The following GGT6 variants were observed in gnomAD, a reference collection of about 807,000 sequenced individuals.
GGT6 encodes gamma-glutamyltransferase 6, also known as glutathione hydrolase 6.
GGT6 carries 13 observed loss-of-function variants against 17.0 expected under a neutral mutation model. That is an observed-to-expected ratio of 0.77 (90% CI 0.50 to 1.22). The LOEUF (loss-of-function observed/expected upper bound fraction) is 1.22. Ranked by LOEUF, GGT6 falls within the 50% of genes most tolerant of loss-of-function variation. The pLI, the probability that GGT6 is intolerant of heterozygous loss-of-function variation, is 0.00. For missense variants in GGT6, 628 were observed against 643.7 expected, an observed-to-expected ratio of 0.98 and a Z score of 0.26; for synonymous variants, 305 against 297.9, an observed-to-expected ratio of 1.02 and a Z score of -0.25.
Position 4,560,503 on chromosome 17 carries a change from G to T in GGT6, c.19C>A (p.Pro7Thr), listed in dbSNP as rs1397467064. ...GGCAGCAGCTTCTGATAGACCACGG[G>T]CTCTTCTGCCCGCTCCATGGCCCCC... is the stretch of plus-strand genomic sequence containing the variant. MERAEE[P>T]VVYQKLLPWE... The change falls in exon 1 of 4, where the codon CCC (proline) becomes ACC (threonine). Residue 7 changes from proline to threonine, a missense_variant. By Grantham distance (38) the Pro-to-Thr change is conservative. Transcript: ENST00000381550. The T allele has an allele frequency of 1.9e-6, 3 of 1,611,792 alleles. No homozygotes were observed. Among genetic ancestry groups the T allele is most frequent in the Non-Finnish European group, 2.5e-6 (3 of 1,180,010 alleles).
chr17:4,559,205 C>A lies in GGT6; in HGVS notation c.457+138G>T, dbSNP rs1045745533. On this transcript the variant is annotated intron_variant, in intron 3 of 3. Coordinates refer to ENST00000381550, the MANE Select transcript of GGT6 (RefSeq NM_001288702.2). ...ACAGACCCGGGCTCAAGGGTCATAG[C>A]CTGGGGTTGGACTGCTGCCCAAACC... is the stretch of plus-strand genomic sequence containing the variant. 8.0e-6 allele frequency: 10 copies of A among 1,248,216 alleles called. No homozygotes were observed. In the Admixed American group the frequency reaches 1.7e-4, roughly 21 times the overall value. The allele number at this position is 1,248,216 out of a possible 1,614,324, so 77.3% of individuals were successfully genotyped here. A position where few individuals can be genotyped will look rare whatever the true frequency, so the allele number is the denominator to read the frequency against.
At position 4,559,628 on chromosome 17, in the gene GGT6, C is replaced by T; in HGVS notation, c.273G>A (p.Val91=). ...QGRSTGSLGS[V]APPPGGHSHG... is the part of the protein sequence containing the mutation. Reference sequence around the variant, plus strand: ...GGGAGTGTCCGCCGGGTGGAGGGGCCACAGAGCCCAAGCTTCCTGTCGACC... The same window carrying T: ...GGGAGTGTCCGCCGGGTGGAGGGGCTACAGAGCCCAAGCTTCCTGTCGACC... Residue 91 remains valine (V), a synonymous_variant, in exon 2 of 4, where the codon GTG becomes GTA. Transcript: ENST00000381550. The T allele has an allele frequency of 6.2e-7, 1 of 1,613,748 alleles. No individual in the cohort carries two copies. The highest frequency in any genetic ancestry group is 8.5e-7 in the Non-Finnish European group (1 of 1,180,002).
chr17:4,559,081 C>T, intron 3 of GGT6, 24 bp from the exon 4 acceptor site: 1 of 1,539,242 alleles, frequency 6.5e-7, no homozygotes, highest in Non-Finnish European at 8.7e-7. Context: ...AGGGGTCCCT[C>T]AGCAGCCGCA....
At chr17:4,556,513 CAG>C (rs1908137452), downstream of GGT6, among the ~76,000 whole-genome samples, 1 of 152,132 alleles carries the variant, frequency 6.6e-6, no homozygotes, top group Non-Finnish European at 1.5e-5. Flanking sequence ...TTTACAATGG[CAG>C]GGGAGGGGAA....
Position 4,560,531 on chromosome 17 carries a change from G to C in GGT6, c.-10C>G. 1 of 1,608,332 alleles carries C rather than the reference G, an allele frequency of 6.2e-7. No individual in the cohort carries two copies. The highest frequency in any genetic ancestry group is 1.1e-5 in the South Asian group (1 of 91,084). On this transcript the variant is annotated 5_prime_UTR_variant, in exon 1 of 4. Coordinates refer to ENST00000381550, the MANE Select transcript of GGT6 (RefSeq NM_001288702.2). ...CTTCTGCCCGCTCCATGGCCCCCCA[G>C]TGCTCGCCCCAGCCCTCCTGCCTGC...
Position 4,559,612 on chromosome 17 carries a change from C to A in GGT6, c.289G>T (p.Gly97Ter). The A allele has an allele frequency of 6.2e-7, 1 of 1,613,808 alleles. No homozygotes were observed. Among genetic ancestry groups the A allele is most frequent in the Non-Finnish European group, 8.5e-7 (1 of 1,180,006 alleles). The change falls in exon 2 of 4, where the codon GGA becomes TGA. Residue 97 changes from glycine to a stop codon, truncating the protein, a stop_gained. Coordinates refer to ENST00000381550, the MANE Select transcript of GGT6 (RefSeq NM_001288702.2). LOFTEE classifies it high-confidence loss of function. ...TATACGCCAGGGCCGTGGGAGTGTC[C>A]GCCGGGTGGAGGGGCCACAGAGCCC... ...SLGSVAPPPG[G>*]HSHGPGVYHH...
rs1463037886 is a variant in GGT6 at position 4,559,611 on chromosome 17, C to A, written c.290G>T (p.Gly97Val). 3.1e-6 allele frequency: 5 copies of A among 1,613,754 alleles called. No individual in the cohort carries two copies. The highest frequency in any genetic ancestry group is 1.7e-5 in the Admixed American group (1 of 60,008). ...GTATACGCCAGGGCCGTGGGAGTGT[C>A]CGCCGGGTGGAGGGGCCACAGAGCC... ...SLGSVAPPPG[G>V]HSHGPGVYHH... Residue 97 changes from glycine to valine, a missense_variant, in exon 2 of 4, where the codon GGA becomes GTA. Gly to Val is a moderately radical substitution (Grantham distance 109). Transcript: ENST00000381550.
chr17:4,558,661 G>A lies in GGT6; in HGVS notation c.854C>T (p.Ala285Val), dbSNP rs145161228. ...GGGCACCTCCACCCCCAGGTCTCCC[G>A]CCAGTAGACTCAGTAGAGCATCCCC... ...LAGDALLSLL[A>V]GDLGVEVPSA... Residue 285 changes from alanine (A) to valine (V), a missense_variant, in exon 4 of 4, where the codon GCG (alanine) becomes GTG (valine). Physicochemically the swap from Ala to Val is moderately conservative, Grantham distance 64. Coordinates refer to ENST00000381550, the MANE Select transcript of GGT6 (RefSeq NM_001288702.2). 6.0e-5 allele frequency: 95 copies of A among 1,594,442 alleles called. No individual in the cohort carries two copies. The highest frequency in any genetic ancestry group is 7.8e-5 in the Non-Finnish European group (91 of 1,170,416).
At position 4,558,173 on chromosome 17, in the gene GGT6, G is replaced by C. The variant is rs759642743; in HGVS notation, c.1342C>G (p.Pro448Ala). ...HTLLRHLAARPPTQAQHQHQG... is the reference protein window; with the variant it reads ...HTLLRHLAARAPTQAQHQHQG... ...TGCTGGTGCTGGGCCTGGGTAGGGGGCCTTGCTGCCAGATGCCTGAGTAGG... is the reference window on the plus strand; with the variant it reads ...TGCTGGTGCTGGGCCTGGGTAGGGGCCCTTGCTGCCAGATGCCTGAGTAGG... Residue 448 changes from proline to alanine, a missense_variant, in exon 4 of 4, where the codon CCC becomes GCC. Transcript: ENST00000381550. 1 of 1,614,042 alleles carries C rather than the reference G, an allele frequency of 6.2e-7. No homozygotes were observed. The highest frequency in any genetic ancestry group is 1.7e-5 in the Admixed American group (1 of 60,012).
At position 4,558,839 on chromosome 17, in the gene GGT6, C is replaced by G. The variant is rs902731768; in HGVS notation, c.676G>C (p.Ala226Pro). ...GTGCCCCGAGCCACCAGAGCCCTTG[C>G]CAGGGGTGTGTCCACCAGGAAGCCC... ...QEGFLVDTPL[A>P]RALVARGTEG... Residue 226 changes from alanine to proline, a missense_variant, in exon 4 of 4, where the codon GCA becomes CCA. By Grantham distance (27) the Ala-to-Pro change is conservative. Coordinates refer to ENST00000381550, the MANE Select transcript of GGT6 (RefSeq NM_001288702.2). The G allele has an allele frequency of 6.5e-7, 1 of 1,547,670 alleles. No homozygotes were observed. Among genetic ancestry groups the G allele is most frequent in the Non-Finnish European group, 8.7e-7 (1 of 1,145,294 alleles).
Position 4,558,070 on chromosome 17 carries a change from T to G in GGT6, c.1445A>C (p.Glu482Ala), listed in dbSNP as rs765790518. ...GTLLQVAAHTEHAHVSSVPHA... is the reference protein window; with the variant it reads ...GTLLQVAAHTAHAHVSSVPHA... ...GGGGACACTGGAGACATGGGCGTGC[T>G]CTGTGTGGGCTGCCACCTGGAGCAG... The change falls in exon 4 of 4, where the codon GAG becomes GCG. Residue 482 changes from glutamate (E) to alanine (A), a missense_variant. Coordinates refer to ENST00000381550, the MANE Select transcript of GGT6 (RefSeq NM_001288702.2). The G allele has an allele frequency of 6.3e-7, 1 of 1,594,222 alleles. No homozygotes were observed. Among genetic ancestry groups the G allele is most frequent in the Non-Finnish European group, 8.6e-7 (1 of 1,169,222 alleles).
At position 4,558,982 on chromosome 17, in the gene GGT6, G is replaced by A. The variant is rs778246432; in HGVS notation, c.533C>T (p.Thr178Ile). 2 of 1,545,904 alleles carry A rather than the reference G, an allele frequency of 1.3e-6. No homozygotes were observed. Among genetic ancestry groups the A allele is most frequent in the Admixed American group, 3.9e-5 (2 of 50,998 alleles). ...GGGCAGCCCCAGGCCGGGGGCCAGG[G>A]TCTGTGCTGGGCCTGATGTCAGGGC... is the stretch of plus-strand genomic sequence containing the variant. ...STALTSGPAQTLAPGLGLPAA... is the reference protein window; with the variant it reads ...STALTSGPAQILAPGLGLPAA... Residue 178 changes from threonine to isoleucine, a missense_variant, in exon 4 of 4, where the codon ACC becomes ATC. Thr to Ile is a moderately conservative substitution (Grantham distance 89, BLOSUM62 -1). Coordinates refer to ENST00000381550, the MANE Select transcript of GGT6 (RefSeq NM_001288702.2).
Position 4,559,002 on chromosome 17 carries a change from C to G in GGT6, c.513G>C (p.Leu171=), listed in dbSNP as rs1322291638. The change falls in exon 4 of 4, where the codon CTG becomes CTC. Residue 171 remains leucine (L), a synonymous_variant. Coordinates refer to ENST00000381550, the MANE Select transcript of GGT6 (RefSeq NM_001288702.2). ...CCAGGGTCTGTGCTGGGCCTGATGT[C>G]AGGGCCGTGGAATTGCCTGAGGAGC... ...HDSSSGNSTA[L]TSGPAQTLAP... 1 of 1,545,138 alleles carries G rather than the reference C, an allele frequency of 6.5e-7. No homozygotes were observed. Among genetic ancestry groups the G allele is most frequent in the Non-Finnish European group, 8.7e-7 (1 of 1,146,956 alleles).
At chr17:4,559,134 G>A in intron 3 of GGT6, 77 bp from the exon 4 acceptor site, 1 of 1,509,352 alleles carries the variant, frequency 6.6e-7, no homozygotes, top group East Asian at 2.5e-5. Context: ...TCCCTTGACT[G>A]AGCCTGGGAT....
In GGT6 at chr17:4,558,422, T is replaced by A; in HGVS notation, c.1093A>T (p.Ser365Cys). ...GAGGTGAGAAGGAGCACAGAGCCGCTGCTGTCCACGGCGGCCAGGGCACTG... is the reference window on the plus strand; with the variant it reads ...GAGGTGAGAAGGAGCACAGAGCCGCAGCTGTCCACGGCGGCCAGGGCACTG... ...ESSALAAVDS[S>C]GSVLLLTSSL... The change falls in exon 4 of 4, where the codon AGC becomes TGC. Residue 365 changes from serine (S) to cysteine (C), a missense_variant. Physicochemically the swap from Ser to Cys is moderately radical, Grantham distance 112. Coordinates refer to ENST00000381550, the MANE Select transcript of GGT6 (RefSeq NM_001288702.2). 1 of 1,606,044 alleles carries A rather than the reference T, an allele frequency of 6.2e-7. No individual in the cohort carries two copies. The highest frequency in any genetic ancestry group is 8.5e-7 in the Non-Finnish European group (1 of 1,179,992).
In GGT6 at chr17:4,558,261, C is replaced by T. The variant is rs1477110734; in HGVS notation, c.1254G>A (p.Glu418=). ...AAGCCACAAGCCCCAACACATCAGCCTCTGTGTCATCCAGGCTGCCACGGA... is the reference window on the plus strand; with the variant it reads ...AAGCCACAAGCCCCAACACATCAGCTTCTGTGTCATCCAGGCTGCCACGGA... ...LILRGSLDDT[E]ADVLGLVASG... The change falls in exon 4 of 4, where the codon GAG becomes GAA. Residue 418 remains glutamate, a synonymous_variant. Coordinates refer to ENST00000381550, the MANE Select transcript of GGT6 (RefSeq NM_001288702.2). The T allele has an allele frequency of 6.2e-7, 1 of 1,614,214 alleles. No homozygotes were observed. Among genetic ancestry groups the T allele is most frequent in the Non-Finnish European group, 8.5e-7 (1 of 1,180,052 alleles).
In GGT6 at chr17:4,559,709, C is replaced by T. The variant is rs1375225291; in HGVS notation, c.192G>A (p.Leu64=). The part of the protein sequence containing the change: ...PGTWARVVAA[L]LLLAVGCSLA... ...GGGAGCAGCCAACAGCCAGCAGCAGCAGGGCTGCCACTACACGGGCCCAGG... is the reference window on the plus strand; with the variant it reads ...GGGAGCAGCCAACAGCCAGCAGCAGTAGGGCTGCCACTACACGGGCCCAGG... The change falls in exon 2 of 4, where the codon CTG becomes CTA. Residue 64 remains leucine, a synonymous_variant. Coordinates refer to ENST00000381550, the MANE Select transcript of GGT6 (RefSeq NM_001288702.2). 1.2e-6 allele frequency: 2 copies of T among 1,611,670 alleles called. No individual in the cohort carries two copies. The highest frequency in any genetic ancestry group is 4.5e-5 in the East Asian group (2 of 44,876).
chr17:4,559,867 C>A (rs1267000566), intron 1 of GGT6, 107 bp from the exon 2 acceptor site: 2 of 1,014,040 alleles, frequency 2.0e-6, no homozygotes, highest in East Asian at 5.2e-5. Flanking sequence ...GCAAGAGGAG[C>A]ACAAGTCAGC....
rs1201751237 is a variant in GGT6, at chr17:4,558,408, G to T, written c.1107C>A (p.Leu369=). The part of the protein sequence containing the change: ...LAAVDSSGSV[L]LLTSSLNCSF... ...AGCAGTTGAGCGAGGAGGTGAGAAGGAGCACAGAGCCGCTGCTGTCCACGG... is the reference window on the plus strand; with the variant it reads ...AGCAGTTGAGCGAGGAGGTGAGAAGTAGCACAGAGCCGCTGCTGTCCACGG... The change falls in exon 4 of 4, where the codon CTC becomes CTA. Residue 369 remains leucine (L), a synonymous_variant. Coordinates refer to ENST00000381550, the MANE Select transcript of GGT6 (RefSeq NM_001288702.2). 53 of 1,605,360 alleles carry T rather than the reference G, an allele frequency of 3.3e-5. No individual in the cohort carries two copies. The highest frequency in any genetic ancestry group is 4.5e-5 in the Non-Finnish European group (53 of 1,180,000).
Sources: gnomAD v4.1 joint callset for allele counts (sites outside exome capture counted in the v4.1 genomes callset) on GRCh38, gnomAD v4.1.1 for gene constraint, MANE v1.5 for transcripts, NCBI Gene and HGNC (gene_info 2026-07-23, HGNC 2026-07-21) for gene names.